Variants in ERICH2 observed in about 807,000 individuals in gnomAD.
The protein encoded by ERICH2 is glutamate-rich protein 2.
A neutral mutation model predicts 17.4 loss-of-function variants in ERICH2; 17 were observed. The ratio of observed to expected loss-of-function variants is 0.98; its 90% confidence interval spans 0.67 to 1.47. The LOEUF is 1.47. Ranked by LOEUF, ERICH2 falls within the 40% of genes most tolerant of loss-of-function variation. ERICH2 has a pLI of 0.00. For missense variants in ERICH2, 186 were observed against 183.2 expected (o/e 1.01, Z -0.09); for synonymous variants, 51 against 61.1 (o/e 0.83, Z 0.77).
At chr2:170,798,739 C>A in intron 4 of ERICH2, 31 bp from the exon 10 acceptor site, 1 of 1,549,632 alleles carries the variant, frequency 6.5e-7, no homozygotes, top group East Asian at 2.4e-5. Flanking sequence ...TTAAGAAACA[C>A]CTTAAGCAAT....
the ERICH2 span, chr2:170,771,479 C>G: frequency 6.6e-6 from 1 of 152,272 alleles, no homozygotes; most frequent in African/African-American, 2.4e-5. This position sits in a 1 kb window ranked among gnomAD's most constrained non-coding sequence, Gnocchi z 4.8. Context: ...CTGGGCGATT[C>G]TGACAGGCTT....
At chr2:170,785,534 A>G (rs1015494569) in intron 2 of ERICH2, among the ~76,000 whole-genome samples, 4 of 152,152 alleles carry the variant, frequency 2.6e-5, no homozygotes, top group Admixed American at 6.6e-5. Flanking sequence ...TCTGCCCTTG[A>G]TAACATGCAT....
intron 3 of ERICH2, among the ~76,000 whole-genome samples, chr2:170,794,517 G>A (rs1475983003): frequency 6.6e-6 from 1 of 152,122 alleles, no homozygotes; most frequent in Non-Finnish European, 1.5e-5. Context: ...TATTTAGTGA[G>A]TCCAAGGTTG....
At chr2:170,784,788 T>C (rs770172919) in exon 2 of ERICH2, 1 of 1,539,204 alleles carries the variant, frequency 6.5e-7, no homozygotes, top group Non-Finnish European at 8.8e-7. Flanking sequence ...ATGAAGATAG[T>C]AACCCTAAAA....
At chr2:170,783,133 A>C (rs1017439909), upstream of ERICH2, 1 of 138,356 alleles carries the variant, frequency 7.2e-6, no homozygotes, top group Non-Finnish European at 1.6e-5. Flanking sequence ...TAAAAATAAA[A>C]ATAAATAAAA....
At chr2:170,787,445 A>G (rs1232077707) in intron 2 of ERICH2, among the ~76,000 whole-genome samples, 1 of 151,536 alleles carries the variant, frequency 6.6e-6, no homozygotes, top group Non-Finnish European at 1.5e-5. Flanking sequence ...CAGTGCCCTT[A>G]TGGGGATTCT....
chr2:170,794,097 C>T (rs1575411540), intron 3 of ERICH2, among the ~76,000 whole-genome samples: 6 of 96,160 alleles, frequency 6.2e-5, no homozygotes, highest in South Asian at 3.8e-4. Context: ...CTTCTCTTTC[C>T]TTTCTTTCTT....
intron 2 of ERICH2, among the ~76,000 whole-genome samples, chr2:170,789,136 T>C (rs2105706404): frequency 1.3e-5 from 2 of 151,700 alleles, no homozygotes; most frequent in Non-Finnish European, 2.9e-5. Context: ...AATTTTTTTT[T>C]TTTTTTTAAG....
the ERICH2 span, among the ~76,000 whole-genome samples, chr2:170,775,023 C>T: frequency 6.6e-6 from 1 of 152,100 alleles, no homozygotes; most frequent in Admixed American, 6.5e-5. Flanking sequence ...GTCCATCCTA[C>T]GTTTTCACCA....
At chr2:170,787,139 T>TA (rs1701177987) in intron 2 of ERICH2, among the ~76,000 whole-genome samples, 2 of 152,086 alleles carry the variant, frequency 1.3e-5, no homozygotes, top group Admixed American at 6.6e-5. Context: ...ACTACACCCT[T>TA]AAACTCCTGG....
exon 2 of ERICH2, chr2:170,784,672 G>A: frequency 6.5e-7 from 1 of 1,535,814 alleles, no homozygotes; most frequent in Non-Finnish European, 8.8e-7. Context: ...TGCAGTCATT[G>A]TAAAGCAGGA....
At chr2:170,786,347 G>A (rs1418384587) in intron 2 of ERICH2, among the ~76,000 whole-genome samples, 1 of 151,606 alleles carries the variant, frequency 6.6e-6, no homozygotes, top group African/African-American at 2.4e-5. Context: ...TTGCTTCATT[G>A]TCTCATAGCT....
chr2:170,798,491 TAGAA>T (rs1224151970), intron 4 of ERICH2, among the ~76,000 whole-genome samples: 6 of 152,224 alleles, frequency 3.9e-5, no homozygotes, highest in South Asian at 4.1e-4. Flanking sequence ...AATTCTATGA[TAGAA>T]AGAATTCTAT....
upstream of ERICH2, chr2:170,782,479 G>A (rs888543896): frequency 3.1e-5 from 16 of 513,280 alleles, no homozygotes; most frequent in Non-Finnish European, 3.8e-5. Context: ...CAACTCTGTA[G>A]ATCTGGGGCG....
chr2:170,784,831 G>A (rs865835288), exon 2 of ERICH2: 4 of 1,456,478 alleles, frequency 2.7e-6, no homozygotes, highest in Admixed American at 5.8e-5. Context: ...GTTAATGGCA[G>A]AAGTAAGTTT....
intron 2 of ERICH2, among the ~76,000 whole-genome samples, chr2:170,788,069 G>A (rs1701196993): frequency 6.6e-6 from 1 of 152,090 alleles, no homozygotes; most frequent in Admixed American, 6.6e-5. Flanking sequence ...GCTAGCCATG[G>A]AATAATATAA....
At chr2:170,774,587 A>G in the ERICH2 span, among the ~76,000 whole-genome samples, 1 of 108,646 alleles carries the variant, frequency 9.2e-6, no homozygotes, top group Admixed American at 1.0e-4. Context: ...TTTTTTTGAG[A>G]TGAAGTCTCA....
At chr2:170,792,147 G>A (rs1384228101) in intron 2 of ERICH2, among the ~76,000 whole-genome samples, 1 of 152,142 alleles carries the variant, frequency 6.6e-6, no homozygotes, top group East Asian at 1.9e-4. Context: ...TTCATGCCAT[G>A]AGGAGAAAAT....
chr2:170,774,056 A>C, the ERICH2 span, among the ~76,000 whole-genome samples: 1 of 152,222 alleles, frequency 6.6e-6, no homozygotes, highest in South Asian at 2.1e-4. Flanking sequence ...TGAATAGTGC[A>C]TGAAAATTTG....
Sources: gnomAD v4.1 joint callset for allele counts (sites outside exome capture counted in the v4.1 genomes callset) on GRCh38, gnomAD v4.1.1 for gene constraint, Gnocchi (gnomAD v3.1) non-coding constraint, MANE v1.5 for transcripts, NCBI Gene and HGNC (gene_info 2026-07-23, HGNC 2026-07-21) for gene names.